The following CENPP variants were observed in gnomAD, a reference collection of about 807,000 sequenced individuals.
The protein encoded by CENPP is centromere protein P.
In CENPP, 24 loss-of-function variants were observed where a neutral mutation model predicts 35.6. The ratio of observed to expected loss-of-function variants is 0.67; its 90% CI spans 0.49 to 0.95. The LOEUF is 0.95. CENPP is among the 40% of genes least tolerant of loss of function. The probability of loss-of-function intolerance (pLI) is 0.00; values close to 1 mark genes in which losing one functional copy is unlikely to be tolerated. For synonymous variants in CENPP, 120 were observed against 125.5 expected, an observed-to-expected ratio of 0.96 and a Z score of 0.29; for missense variants, 332 against 345.3, an observed-to-expected ratio of 0.96 and a Z score of 0.31.
At chr9:92,423,816 C>T (rs1843886376) in intron 5 of CENPP, among the ~76,000 whole-genome samples, 1 of 152,130 alleles carries the variant, frequency 6.6e-6, no homozygotes, top group Non-Finnish European at 1.5e-5. Flanking sequence ...ACCGGAATCA[C>T]TAGCATTGCT....
rs1207504515 is a variant in CENPP at position 92,617,957 on chromosome 9, AATCT to A, written c.*4813_*4816del. 6.4e-5 allele frequency: 20 copies of A among 312,044 alleles called. No homozygotes were observed. The East Asian group carries it at 1.6e-3, about 25-fold the overall frequency. 19.3% of individuals were successfully genotyped at this position (312,044 alleles called of 1,614,324 possible). ...GGGTGTAAGAAGTTTAAATGTGGTC[AATCT>A]ATCTGTGAGCTGCAAATTAGTCTAG... On this transcript the variant is annotated 3_prime_UTR_variant, in exon 8 of 8. Transcript: ENST00000375587.
At chr9:92,459,755 G>T in intron 5 of CENPP, 2 of 1,613,514 alleles carry the variant, frequency 1.2e-6, no homozygotes, top group Non-Finnish European at 1.7e-6. Flanking sequence ...TGATTTTGTT[G>T]TTTCCTAGGC....
At chr9:92,350,138 A>G (rs1340134933) in intron 4 of CENPP, among the ~76,000 whole-genome samples, 1 of 152,210 alleles carries the variant, frequency 6.6e-6, no homozygotes, top group Non-Finnish European at 1.5e-5. Context: ...TGGAATCTTT[A>G]TCCTAAATTT....
intron 5 of CENPP, among the ~76,000 whole-genome samples, chr9:92,426,782 C>A (rs1843979114): frequency 1.3e-5 from 2 of 152,122 alleles, no homozygotes; most frequent in Non-Finnish European, 2.9e-5. Flanking sequence ...TTGAAGACAT[C>A]AGTATGAACT....
At chr9:92,481,715 C>A (rs1845919933) in intron 5 of CENPP, among the ~76,000 whole-genome samples, 1 of 152,008 alleles carries the variant, frequency 6.6e-6, no homozygotes, top group African/African-American at 2.4e-5. Flanking sequence ...GATAAGTATT[C>A]TTTCTTGGAA....
At chr9:92,522,519 A>T (rs964616545) in intron 5 of CENPP, 39 of 1,464,656 alleles carry the variant, frequency 2.7e-5, no homozygotes, top group Non-Finnish European at 3.5e-5. Context: ...CTCTTTCCCC[A>T]TACCATCTCT....
At chr9:92,477,580 T>C (rs1267973067) in intron 5 of CENPP, among the ~76,000 whole-genome samples, 1 of 152,158 alleles carries the variant, frequency 6.6e-6, no homozygotes. Context: ...TAAGGTCCTG[T>C]TTCTGGCTTT....
At chr9:92,569,579 A>G (rs1012567170) in intron 5 of CENPP, among the ~76,000 whole-genome samples, 1 of 152,136 alleles carries the variant, frequency 6.6e-6, no homozygotes, top group Non-Finnish European at 1.5e-5. Flanking sequence ...TTTTGGTTCC[A>G]TATGAACTTT....
chr9:92,545,878 G>A lies in CENPP; in HGVS notation c.565-65436G>A, dbSNP rs533739989. On this transcript the variant is annotated intron_variant, in intron 5 of 7. Transcript: ENST00000375587. ...GTAAATGCACCAATCAGTGTTCTGT[G>A]TCTAGCTGATCTGGTGGGGACTTGG... 7.9e-5 allele frequency among the ~76,000 whole-genome samples: 12 copies of A among 152,182 alleles called. 1 individual carries two copies. The highest frequency in any genetic ancestry group is 6.8e-3 in the Middle Eastern group (2 of 294).
At chr9:92,606,416 T>A (rs771622243) in intron 5 of CENPP, among the ~76,000 whole-genome samples, 1 of 152,070 alleles carries the variant, frequency 6.6e-6, no homozygotes, top group Non-Finnish European at 1.5e-5. Flanking sequence ...AAATCAGAAC[T>A]CTTGTACACT....
At position 92,433,697 on chromosome 9, in the gene CENPP, C is replaced by T. The variant is rs146495476; in HGVS notation, c.564+53838C>T. On this transcript the variant is annotated intron_variant, in intron 5 of 7. Transcript: ENST00000375587. ...CTATAATCCCAGCACTTTGGGAGGC[C>T]GAAGCAGGCAGATCACTTGAGGTCA... Among the ~76,000 whole-genome samples, 829 of 151,696 alleles carry T rather than the reference C, an allele frequency of 5.5e-3. 7 individuals are homozygous for T. The highest frequency in any genetic ancestry group is 0.014 in the Middle Eastern group (4 of 292).
chr9:92,560,328 A>T (rs1159491768), intron 5 of CENPP, among the ~76,000 whole-genome samples: 2 of 152,228 alleles, frequency 1.3e-5, no homozygotes, highest in African/African-American at 4.8e-5. Flanking sequence ...GCATTAAAGG[A>T]TGAGAAACTT....
At chr9:92,436,615 A>T (rs1844251887) in intron 5 of CENPP, among the ~76,000 whole-genome samples, 1 of 152,114 alleles carries the variant, frequency 6.6e-6, no homozygotes, top group Non-Finnish European at 1.5e-5. Context: ...CTATTCAATT[A>T]CTCAATTCAT....
At position 92,476,905 on chromosome 9, in the gene CENPP, G is replaced by A. The variant is rs568220547; in HGVS notation, c.564+97046G>A. ...CTCAGTTGTTTTATCCAGAAATCTC[G>A]TGGCTTCATGGGCATACTCTGTCAT... On this transcript the variant is annotated intron_variant, in intron 5 of 7. Transcript: ENST00000375587. This position sits in a 1 kb window ranked among gnomAD's most constrained non-coding sequence, Gnocchi z 4.1. Among the ~76,000 whole-genome samples the A allele has an allele frequency of 3.3e-5, 5 of 152,242 alleles. No individual in the cohort carries two copies. In the East Asian group the frequency reaches 5.8e-4, roughly 18 times the overall value.
chr9:92,446,563 T>C (rs1356758347), intron 5 of CENPP, among the ~76,000 whole-genome samples: 3 of 152,162 alleles, frequency 2.0e-5, no homozygotes, highest in Non-Finnish European at 2.9e-5. Flanking sequence ...GAAGAAGATA[T>C]AGCAGATAAA....
At chr9:92,337,694 C>A in intron 3 of CENPP, 65 bp downstream of exon 3, 2 of 1,018,000 alleles carry the variant, frequency 2.0e-6, no homozygotes, top group African/African-American at 1.6e-5. Context: ...ATTCCCACAC[C>A]CCAGCCTTCA....
intron 5 of CENPP, among the ~76,000 whole-genome samples, chr9:92,592,139 TA>T (rs1351623076): frequency 6.6e-6 from 1 of 152,168 alleles, no homozygotes; most frequent in East Asian, 1.9e-4. Context: ...ATATATACAT[TA>T]TATAAATGTA....
chr9:92,479,807 T>C (rs1054456580), intron 5 of CENPP, among the ~76,000 whole-genome samples: 1 of 152,208 alleles, frequency 6.6e-6, no homozygotes, highest in Admixed American at 6.5e-5. Context: ...TTATTTACAC[T>C]CTTTACCTGA....
rs1845729752 is a variant in CENPP, at chr9:92,476,838, C to G, written c.564+96979C>G. Among the ~76,000 whole-genome samples the G allele has an allele frequency of 6.6e-6, 1 of 152,190 alleles. No individual in the cohort carries two copies. The highest frequency in any genetic ancestry group is 1.5e-5 in the Non-Finnish European group (1 of 68,032). ...GAGCTAGGGCTCATGTGTCCCAACT[C>G]CCTGTTCTGTGCTGCCTTCTGCTCC... On this transcript the variant is annotated intron_variant, in intron 5 of 7. Transcript: ENST00000375587. The surrounding 1 kb of genome is among the most constrained non-coding windows in gnomAD (Gnocchi z 4.1).
Sources: gnomAD v4.1 joint callset for allele counts (sites outside exome capture counted in the v4.1 genomes callset) on GRCh38, gnomAD v4.1.1 for gene constraint, Gnocchi (gnomAD v3.1) non-coding constraint, MANE v1.5 for transcripts, NCBI Gene and HGNC (gene_info 2026-07-23, HGNC 2026-07-21) for gene names.